Variants in VSTM4 observed in about 807,000 individuals in gnomAD.
VSTM4 encodes V-set and transmembrane domain containing 4.
In VSTM4, 20 loss-of-function variants were observed where a neutral mutation model predicts 36.4. That is an observed-to-expected ratio of 0.55 (90% CI 0.39 to 0.80). VSTM4 has a LOEUF of 0.80. Among genes scored for constraint, VSTM4 ranks in the 30% least tolerant of loss-of-function variants. VSTM4 has a pLI of 0.00. For missense variants in VSTM4, 392 were observed against 404.5 expected, an observed-to-expected ratio of 0.97 and a Z score of 0.26; for synonymous variants, 182 against 173.9, an observed-to-expected ratio of 1.05 and a Z score of -0.37.
intron 1 of VSTM4, among the ~76,000 whole-genome samples, chr10:49,110,224 T>C (rs1844868494): frequency 6.6e-6 from 1 of 152,290 alleles, no homozygotes; most frequent in African/African-American, 2.4e-5. Context: ...CGCCCCAGGC[T>C]CCTCCTATTA....
At chr10:49,107,515 C>T (rs1286622621) in intron 2 of VSTM4, 79 bp downstream of exon 2, 6 of 1,513,216 alleles carry the variant, frequency 4.0e-6, no homozygotes, top group South Asian at 4.0e-5. Context: ...AACCCGGGAG[C>T]CCCTGGGTGG....
intron 2 of VSTM4, among the ~76,000 whole-genome samples, chr10:49,089,804 G>A (rs528068044): frequency 1.4e-4 from 21 of 152,372 alleles, no homozygotes; most frequent in African/African-American, 5.1e-4. Context: ...TGCTAATCCT[G>A]TGCTATCTCA....
intron 2 of VSTM4, chr10:49,102,382 C>T (rs891917156): frequency 3.3e-5 from 32 of 983,480 alleles, no homozygotes; most frequent in Non-Finnish European, 3.6e-5. Flanking sequence ...GATCCACCCA[C>T]CTCGGCCTCC....
intron 7 of VSTM4, among the ~76,000 whole-genome samples, chr10:49,040,017 TCCTACGG>T (rs1432962090): frequency 6.6e-6 from 1 of 152,184 alleles, no homozygotes; most frequent in East Asian, 1.9e-4. Flanking sequence ...GGCATTTAGC[TCCTACGG>T]CCCCAGGAGG....
At chr10:49,109,981 G>C (rs1025599054) in intron 1 of VSTM4, among the ~76,000 whole-genome samples, 1 of 152,220 alleles carries the variant, frequency 6.6e-6, no homozygotes, top group Non-Finnish European at 1.5e-5. Context: ...CAGCTCCCAC[G>C]GCAGGAGCTC....
intron 7 of VSTM4, among the ~76,000 whole-genome samples, chr10:49,041,728 T>C (rs1044156802): frequency 1.3e-5 from 2 of 152,202 alleles, no homozygotes; most frequent in Non-Finnish European, 2.9e-5. Flanking sequence ...TGAAGACTGA[T>C]GACATTACAC....
Position 49,115,393 on chromosome 10 carries a change from C to G in VSTM4, c.55+38G>C, listed in dbSNP as rs571413350. On this transcript the variant is annotated intron_variant, in intron 1 of 7. Transcript: ENST00000332853. ...CCTCCCCGGCGCGGCCGCCCGGCCC[C>G]CACCCTTCCCGCTCCCGCCTGGCCC... is the stretch of plus-strand genomic sequence containing the variant. The G allele has an allele frequency of 6.2e-4, 628 of 1,010,188 alleles. 3 individuals are homozygous for G. The African/African-American group carries it at 9.8e-3, about 16-fold the overall frequency. The allele number at this position is 1,010,188 out of a possible 1,614,324, so 62.6% of individuals were successfully genotyped here.
chr10:49,068,638 CA>C (rs1844017610), intron 4 of VSTM4, among the ~76,000 whole-genome samples: 1 of 152,168 alleles, frequency 6.6e-6, no homozygotes, highest in African/African-American at 2.4e-5. Context: ...CTTAAATATG[CA>C]TAGCATAATT....
intron 2 of VSTM4, among the ~76,000 whole-genome samples, chr10:49,093,035 A>G (rs907144461): frequency 1.3e-5 from 2 of 152,106 alleles, no homozygotes; most frequent in Admixed American, 6.5e-5. Flanking sequence ...CTTGTACTCA[A>G]TAAAACTTGG....
intron 2 of VSTM4, among the ~76,000 whole-genome samples, chr10:49,099,743 T>C (rs977289870): frequency 3.3e-5 from 5 of 152,200 alleles, no homozygotes; most frequent in African/African-American, 1.2e-4. Context: ...CATCAACAAG[T>C]TCATCTGGCA....
At chr10:49,067,416 C>T (rs1843992630) in intron 4 of VSTM4, among the ~76,000 whole-genome samples, 1 of 152,200 alleles carries the variant, frequency 6.6e-6, no homozygotes, top group Non-Finnish European at 1.5e-5. Flanking sequence ...CTCCACTGAG[C>T]CTAACTGAAG....
intron 7 of VSTM4, among the ~76,000 whole-genome samples, chr10:49,042,889 A>T (rs1451695314): frequency 2.6e-5 from 4 of 152,202 alleles, no homozygotes; most frequent in Non-Finnish European, 5.9e-5. Context: ...CAGCTCCTTT[A>T]TTACATGATG....
At chr10:49,023,807 G>C (rs1336795189) in intron 7 of VSTM4, among the ~76,000 whole-genome samples, 1 of 152,202 alleles carries the variant, frequency 6.6e-6, no homozygotes, top group African/African-American at 2.4e-5. Flanking sequence ...GAAGGTTGCG[G>C]AGTGTTAGTA....
At chr10:49,043,457 T>C (rs1177582620) in intron 7 of VSTM4, among the ~76,000 whole-genome samples, 2 of 152,208 alleles carry the variant, frequency 1.3e-5, no homozygotes, top group East Asian at 1.9e-4. Flanking sequence ...GGCATTTATG[T>C]TCAGCAATAC....
chr10:49,088,972 T>C (rs1274789953), intron 2 of VSTM4, among the ~76,000 whole-genome samples: 1 of 152,226 alleles, frequency 6.6e-6, no homozygotes, highest in African/African-American at 2.4e-5. Context: ...GCAGGCCCCA[T>C]GCCGGATCTA....
chr10:49,115,418 C>A lies in VSTM4; in HGVS notation c.55+13G>T. On this transcript the variant is annotated intron_variant, in intron 1 of 7. Transcript: ENST00000332853. ...CCACCCTTCCCGCTCCCGCCTGGCC[C>A]CGCCGCGCTTACCCGGAGCCGGAGC... 1 of 1,033,664 alleles carries A rather than the reference C, an allele frequency of 9.7e-7. No individual in the cohort carries two copies. The highest frequency in any genetic ancestry group is 1.2e-6 in the Non-Finnish European group (1 of 859,172). 64.0% of individuals were successfully genotyped at this position (1,033,664 alleles called of 1,614,324 possible).
At chr10:49,108,437 A>T (rs1844831074) in intron 1 of VSTM4, among the ~76,000 whole-genome samples, 1 of 152,080 alleles carries the variant, frequency 6.6e-6, no homozygotes, top group African/African-American at 2.4e-5. Flanking sequence ...CCCTGGCCTG[A>T]TGTCAGCTGT....
At chr10:49,082,782 G>T (rs1483029926) in intron 3 of VSTM4, among the ~76,000 whole-genome samples, 1 of 152,162 alleles carries the variant, frequency 6.6e-6, no homozygotes, top group Non-Finnish European at 1.5e-5. Context: ...TTTGTCTTTT[G>T]CCATTGAACT....
At chr10:49,037,068 C>T (rs933248155) in intron 7 of VSTM4, among the ~76,000 whole-genome samples, 1 of 152,184 alleles carries the variant, frequency 6.6e-6, no homozygotes, top group African/African-American at 2.4e-5. Flanking sequence ...ATGAGCTGTT[C>T]TGGAAAGGTT....
Sources: allele counts gnomAD v4.1 joint callset (sites outside exome capture counted in the v4.1 genomes callset), GRCh38; gene constraint gnomAD v4.1.1; transcripts MANE v1.5; gene names NCBI Gene and HGNC (gene_info 2026-07-23, HGNC 2026-07-21).